The following SLC15A2 variants were observed in gnomAD, a reference collection of about 807,000 sequenced individuals.
SLC15A2 encodes the protein kidney H(+)/peptide cotransporter.
SLC15A2 carries 77 observed loss-of-function variants against 95.5 expected under a neutral mutation model. The observed-to-expected ratio is 0.81, with a 90% CI of 0.67 to 0.97. The LOEUF is 0.97. Among genes scored for constraint, SLC15A2 ranks in the 50% least tolerant of loss-of-function variants. The pLI is 0.00. For synonymous variants in SLC15A2, 306 were observed against 306.9 expected, an observed-to-expected ratio of 1.00 and a Z score of 0.03; for missense variants, 893 against 874.4, an observed-to-expected ratio of 1.02 and a Z score of -0.27.
At chr3:121,940,723 G>A in intron 21 of SLC15A2, 108 bp from the exon 22 acceptor site, 5 of 1,209,068 alleles carry the variant, frequency 4.1e-6, no homozygotes, top group Non-Finnish European at 4.6e-6. Context: ...GCAAAAGTCT[G>A]GTTAAACTGG....
chr3:121,941,340 A>C lies in SLC15A2; in HGVS notation c.*333A>C. The C allele has an allele frequency of 5.4e-6, 1 of 185,474 alleles. No homozygotes were observed. The highest frequency in any genetic ancestry group is 6.1e-5 in the Admixed American group (1 of 16,394). The allele number at this position is 185,474 out of a possible 1,614,324, so 11.5% of individuals were successfully genotyped here. A position where few individuals can be genotyped will look rare whatever the true frequency, so the allele number is the denominator to read the frequency against. ...AGTTATGGGAATTCCTTTATAGGTA[A>C]CTGCCATTTAGGACTGATGGCCCTA... On this transcript the variant is annotated 3_prime_UTR_variant, in exon 22 of 22. Coordinates refer to ENST00000489711, the MANE Select transcript of SLC15A2 (RefSeq NM_021082.4).
At chr3:121,916,345 T>C (rs1224476606) in intron 7 of SLC15A2, among the ~76,000 whole-genome samples, 1 of 152,180 alleles carries the variant, frequency 6.6e-6, no homozygotes, top group Admixed American at 6.5e-5. Context: ...AAGGGAAAAC[T>C]TGGGCATGAT....
chr3:121,924,348 C>T lies in SLC15A2; in HGVS notation c.1003-3C>T, dbSNP rs771485911. On this transcript the variant is annotated splice_region_variant and splice_polypyrimidine_tract_variant and intron_variant, in intron 11 of 21. Transcript: ENST00000489711. ...ACTAAATTAATTTGTTAAAATGTTTCAGGGGTTTTTTGTGCTTCAGCCGGA... is the reference window on the plus strand; with the variant it reads ...ACTAAATTAATTTGTTAAAATGTTTTAGGGGTTTTTTGTGCTTCAGCCGGA... The T allele has an allele frequency of 6.2e-7, 1 of 1,612,084 alleles. No homozygotes were observed. The highest frequency in any genetic ancestry group is 8.5e-7 in the Non-Finnish European group (1 of 1,178,562).
intron 3 of SLC15A2, among the ~76,000 whole-genome samples, chr3:121,904,989 T>C (rs578254844): frequency 6.6e-6 from 1 of 152,326 alleles, no homozygotes; most frequent in African/African-American, 2.4e-5. Flanking sequence ...TGGCCTTTTT[T>C]TGGTTGGTAG....
intron 3 of SLC15A2, among the ~76,000 whole-genome samples, chr3:121,900,852 A>G (rs745385580): frequency 1.7e-4 from 25 of 151,088 alleles, no homozygotes; most frequent in Non-Finnish European, 2.8e-4. Flanking sequence ...CATTTACTAA[A>G]CTCTATCTTA....
rs761498744 is a variant in SLC15A2 at position 121,928,934 on chromosome 3, G to A, written c.1342-48G>A. On this transcript the variant is annotated intron_variant, in intron 15 of 21. Coordinates refer to ENST00000489711, the MANE Select transcript of SLC15A2 (RefSeq NM_021082.4). ...GATGCTACATCGTGATGTCCAATAT[G>A]CAGTAGAAGGTGTACGTGACCTTCA... 3.2e-6 allele frequency: 5 copies of A among 1,585,672 alleles called. No individual in the cohort carries two copies. The African/African-American group carries it at 6.7e-5, about 21-fold the overall frequency.
chr3:121,927,919 T>G (rs1710153590), intron 14 of SLC15A2, 80 bp downstream of exon 14: 5 of 1,030,912 alleles, frequency 4.9e-6, no homozygotes, highest in South Asian at 2.6e-5. Flanking sequence ...TCAGTCATGA[T>G]TCCCTGGGAC....
At chr3:121,897,322 C>G (rs1709436454) in intron 2 of SLC15A2, 66 bp from the exon 3 acceptor site, 1 of 1,565,786 alleles carries the variant, frequency 6.4e-7, no homozygotes, top group East Asian at 2.3e-5. Flanking sequence ...TATTTTTTTC[C>G]ATAAGTCACT....
intron 17 of SLC15A2, among the ~76,000 whole-genome samples, chr3:121,929,676 A>C (rs570861026): frequency 3.9e-5 from 6 of 152,166 alleles, no homozygotes; most frequent in Non-Finnish European, 8.8e-5. Flanking sequence ...TTTGGAAGTG[A>C]GAAAATAATC....
At chr3:121,901,592 G>A (rs756835928) in intron 3 of SLC15A2, among the ~76,000 whole-genome samples, 4 of 152,154 alleles carry the variant, frequency 2.6e-5, no homozygotes, top group Non-Finnish European at 5.9e-5. Flanking sequence ...TCATGTTTGT[G>A]TGTGTGTGCG....
chr3:121,943,719 A>G lies in SLC15A2; in HGVS notation c.*2712A>G, dbSNP rs906789875. The G allele has an allele frequency of 2.6e-5, 4 of 152,218 alleles. No homozygotes were observed. The highest frequency in any genetic ancestry group is 5.9e-5 in the Non-Finnish European group (4 of 68,028). 9.4% of individuals were successfully genotyped at this position (152,218 alleles called of 1,614,324 possible). On this transcript the variant is annotated 3_prime_UTR_variant, in exon 22 of 22. Transcript: ENST00000489711. ...GTTAGGCAATTTTGTCATTATGCAA[A>G]CATCATAGAGTGTACTTACACAAAC...
Position 121,940,931 on chromosome 3 carries a change from G to A in SLC15A2, c.2114G>A (p.Arg705Gln), listed in dbSNP as rs746094432. 6.2e-6 allele frequency: 10 copies of A among 1,614,152 alleles called. No homozygotes were observed. Among genetic ancestry groups the A allele is most frequent in the South Asian group, 3.3e-5 (3 of 91,076 alleles). ...YYVPVKTEDM[R>Q]GPADKHIPHI... ...GTTCCTGTAAAGACAGAGGATATGC[G>A]GGGTCCAGCAGATAAGCACATTCCT... The change falls in exon 22 of 22, where the codon CGG (arginine) becomes CAG (glutamine). Residue 705 changes from arginine (R) to glutamine (Q), a missense_variant. Transcript: ENST00000489711.
Position 121,897,423 on chromosome 3 carries a change from T to C in SLC15A2, c.229T>C (p.Trp77Arg). The C allele has an allele frequency of 6.2e-7, 1 of 1,614,144 alleles. No homozygotes were observed. Among genetic ancestry groups the C allele is most frequent in the Non-Finnish European group, 8.5e-7 (1 of 1,179,988 alleles). ...CCTGTATTTCCTGTATTTCCTGCAC[T>C]GGAATGAAGATACCTCCACATCTAT... is the stretch of plus-strand genomic sequence containing the variant. ...LILYFLYFLHWNEDTSTSIYH... is the reference protein window; with the variant it reads ...LILYFLYFLHRNEDTSTSIYH... Residue 77 changes from tryptophan to arginine, a missense_variant, in exon 3 of 22, where the codon TGG becomes CGG. Transcript: ENST00000489711.
chr3:121,913,197 C>T, intron 5 of SLC15A2, 77 bp downstream of exon 5: 1 of 1,123,394 alleles, frequency 8.9e-7, no homozygotes, highest in Non-Finnish European at 1.3e-6. Flanking sequence ...TAGCCATTTG[C>T]CAAGATTGAA....
At chr3:121,922,170 C>A in intron 7 of SLC15A2, 50 bp from the exon 8 acceptor site, 2 of 1,510,080 alleles carry the variant, frequency 1.3e-6, no homozygotes, top group South Asian at 1.1e-5. Context: ...AACCTTTGCA[C>A]CAACCTAATA....
chr3:121,932,297 ATTTATC>A (rs1444063201), intron 19 of SLC15A2, among the ~76,000 whole-genome samples: 1 of 152,152 alleles, frequency 6.6e-6, no homozygotes, highest in Non-Finnish European at 1.5e-5. Context: ...GAGAAACATA[ATTTATC>A]TTGAGCCATC....
At chr3:121,936,070 C>T (rs1470374004) in intron 19 of SLC15A2, among the ~76,000 whole-genome samples, 5 of 152,082 alleles carry the variant, frequency 3.3e-5, no homozygotes, top group Non-Finnish European at 5.9e-5. Context: ...TGCAGTTGAG[C>T]AGTTTTGAGT....
At chr3:121,915,166 C>A in intron 5 of SLC15A2, 61 bp from the exon 6 acceptor site, 1 of 1,329,624 alleles carries the variant, frequency 7.5e-7, no homozygotes, top group Non-Finnish European at 1.1e-6. Flanking sequence ...TGAATCTGAA[C>A]GTGGAGTGGG....
chr3:121,904,699 G>A (rs988048959), intron 3 of SLC15A2, among the ~76,000 whole-genome samples: 5 of 152,200 alleles, frequency 3.3e-5, no homozygotes, highest in African/African-American at 1.2e-4. Flanking sequence ...CAGGGATGAA[G>A]CCGACTTGAT....
Sources: gnomAD v4.1 joint callset for allele counts (sites outside exome capture counted in the v4.1 genomes callset) on GRCh38, gnomAD v4.1.1 for gene constraint, MANE v1.5 for transcripts, NCBI Gene and HGNC (gene_info 2026-07-23, HGNC 2026-07-21) for gene names.